ATP8A2: variants seen among roughly 807,000 people sequenced by gnomAD.
ATP8A2 encodes the protein ATPase phospholipid transporting 8A2, also known as phospholipid-transporting ATPase IB.
Under a neutral mutation model 165.6 loss-of-function variants are expected in ATP8A2, and 100 were observed. The ratio of observed to expected loss-of-function variants is 0.60; its 90% CI spans 0.51 to 0.71. The LOEUF is 0.71. Among genes scored for constraint, ATP8A2 ranks in the 30% least tolerant of loss-of-function variants. ATP8A2 has a pLI of 0.00. For synonymous variants in ATP8A2, 543 were observed against 548.8 expected (o/e 0.99, Z 0.15); for missense variants, 1,227 against 1,479.5 (o/e 0.83, Z 2.80).
At chr13:25,498,085 G>A (rs753317832) in intron 2 of ATP8A2, among the ~76,000 whole-genome samples, 9 of 152,136 alleles carry the variant, frequency 5.9e-5, no homozygotes, top group Admixed American at 2.0e-4. Flanking sequence ...CACGTGCTCC[G>A]GATATGAGTT....
rs1225749431 is a variant in ATP8A2, at chr13:25,766,195, A to G, written c.2385-2851A>G. 2.0e-5 allele frequency among the ~76,000 whole-genome samples: 3 copies of G among 152,210 alleles called. No homozygotes were observed. The South Asian group carries it at 6.2e-4, about 32-fold the overall frequency. On this transcript the variant is annotated intron_variant, in intron 25 of 36. Coordinates refer to ENST00000381655, the MANE Select transcript of ATP8A2 (RefSeq NM_016529.6). ...AATGATTTTAATTAAAGAGTGATTA[A>G]TATAATCATAAGAATCCAGACTGTA...
At chr13:25,697,072 T>A (rs1178707379) in intron 24 of ATP8A2, among the ~76,000 whole-genome samples, 1 of 152,212 alleles carries the variant, frequency 6.6e-6, no homozygotes, top group Admixed American at 6.5e-5. Context: ...ATGGTGCTGA[T>A]CGACTTGCTT....
At chr13:25,626,646 G>A (rs1332652051) in intron 24 of ATP8A2, among the ~76,000 whole-genome samples, 11 of 152,182 alleles carry the variant, frequency 7.2e-5, no homozygotes, top group Non-Finnish European at 1.5e-5. Context: ...AGATAAGTAA[G>A]AGGATGATGT....
At chr13:25,579,343 A>G (rs1419358238) in intron 21 of ATP8A2, among the ~76,000 whole-genome samples, 1 of 152,224 alleles carries the variant, frequency 6.6e-6, no homozygotes, top group Non-Finnish European at 1.5e-5. Context: ...GCCACACTCA[A>G]GTGCTAACTG....
intron 1 of ATP8A2, among the ~76,000 whole-genome samples, chr13:25,390,758 T>C (rs759129465): frequency 5.9e-5 from 9 of 151,962 alleles, no homozygotes; most frequent in Admixed American, 1.3e-4. Context: ...GGTGAAACCC[T>C]TTCTCTACTA....
At position 26,023,064 on chromosome 13, in the gene ATP8A2, G is replaced by A. The variant is rs746260884; in HGVS notation, c.*3079G>A. 9.9e-5 allele frequency: 15 copies of A among 152,192 alleles called. No homozygotes were observed. Among genetic ancestry groups the A allele is most frequent in the Non-Finnish European group, 1.8e-4 (12 of 68,060 alleles). 9.4% of individuals were successfully genotyped at this position (152,192 alleles called of 1,614,324 possible). ...ACACGTGCCAGCAAGGGTAGCTGTG[G>A]AAAACACGTATCAGGAGAGCAGAGT... On this transcript the variant is annotated 3_prime_UTR_variant, in exon 37 of 37. Coordinates refer to ENST00000381655, the MANE Select transcript of ATP8A2 (RefSeq NM_016529.6).
chr13:25,867,718 C>T (rs1952550365), intron 33 of ATP8A2, among the ~76,000 whole-genome samples: 1 of 152,128 alleles, frequency 6.6e-6, no homozygotes, highest in Non-Finnish European at 1.5e-5. Flanking sequence ...GAGACACTTG[C>T]TGGGGGCTTC....
intron 2 of ATP8A2, among the ~76,000 whole-genome samples, chr13:25,491,054 A>G (rs1043574125): frequency 3.9e-5 from 6 of 152,084 alleles, no homozygotes; most frequent in African/African-American, 1.4e-4. Context: ...AAGATTTCAC[A>G]TATGTATATA....
intron 33 of ATP8A2, among the ~76,000 whole-genome samples, chr13:25,886,869 A>G (rs1484856719): frequency 6.6e-6 from 1 of 152,154 alleles, no homozygotes; most frequent in Non-Finnish European, 1.5e-5. Flanking sequence ...TTTACATGGT[A>G]TTGCTGGTTG....
At chr13:26,002,849 TGTGTGTGTGTGTG>T (rs1956661142) in intron 35 of ATP8A2, among the ~76,000 whole-genome samples, 1 of 8,398 alleles carries the variant, frequency 1.2e-4, no homozygotes, top group African/African-American at 1.5e-4. Flanking sequence ...AGTATTCCAC[TGTGTGTGTGTGTG>T]TGTGTGTGTG....
intron 24 of ATP8A2, 95 bp downstream of exon 24, chr13:25,589,794 A>G (rs1330083553): frequency 1.3e-6 from 1 of 757,838 alleles, no homozygotes; most frequent in Non-Finnish European, 2.2e-6. Flanking sequence ...TGTTTTGCTA[A>G]AAAACAGTTA....
At chr13:25,861,239 T>A (rs1395125192) in intron 32 of ATP8A2, among the ~76,000 whole-genome samples, 2 of 152,156 alleles carry the variant, frequency 1.3e-5, no homozygotes, top group Non-Finnish European at 2.9e-5. Context: ...CCTTCCGGAC[T>A]TCGTTCTATG....
chr13:25,974,591 C>T (rs930581054), intron 35 of ATP8A2, among the ~76,000 whole-genome samples: 1 of 152,010 alleles, frequency 6.6e-6, no homozygotes, highest in Non-Finnish European at 1.5e-5. Flanking sequence ...CCAGGCTGTC[C>T]CTTCTGCCCC....
intron 24 of ATP8A2, among the ~76,000 whole-genome samples, chr13:25,593,032 A>T (rs968366084): frequency 1.5e-4 from 23 of 152,150 alleles, no homozygotes; most frequent in Middle Eastern, 3.2e-3. Context: ...ACTGAGGAAG[A>T]TTCTACTCCT....
chr13:25,598,781 C>T (rs1189955356), intron 24 of ATP8A2, among the ~76,000 whole-genome samples: 2 of 151,984 alleles, frequency 1.3e-5, no homozygotes, highest in Non-Finnish European at 2.9e-5. Context: ...TTTTGCATGT[C>T]TAGTAATTTT....
In ATP8A2 at chr13:25,774,887, C is replaced by T; in HGVS notation, c.2607C>T (p.Ala869=). The change falls in exon 27 of 37, where the codon GCC becomes GCT. Residue 869 remains alanine, a synonymous_variant. Transcript: ENST00000381655. ...AGAAGCTTCTGTTGGTTCATGGAGC[C>T]TGGAGCTACAACCGGGTGACCAAGT... ...YLEKLLLVHG[A]WSYNRVTKCI... is the part of the protein sequence containing the mutation. 3 of 1,613,808 alleles carry T rather than the reference C, an allele frequency of 1.9e-6. No homozygotes were observed. The highest frequency in any genetic ancestry group is 2.5e-6 in the Non-Finnish European group (3 of 1,179,748).
intron 33 of ATP8A2, among the ~76,000 whole-genome samples, chr13:25,924,563 C>A (rs1277769654): frequency 1.3e-5 from 2 of 152,090 alleles, no homozygotes; most frequent in African/African-American, 2.4e-5. Context: ...TCATTTCAAC[C>A]TAATTGTATC....
chr13:25,613,767 A>C (rs1488845228), intron 24 of ATP8A2, among the ~76,000 whole-genome samples: 1 of 152,076 alleles, frequency 6.6e-6, no homozygotes, highest in African/African-American at 2.4e-5. Flanking sequence ...ATAGGACCCC[A>C]ATCTCTTTTA....
At chr13:25,425,298 C>G (rs1270124155) in intron 1 of ATP8A2, among the ~76,000 whole-genome samples, 1 of 151,960 alleles carries the variant, frequency 6.6e-6, no homozygotes, top group Admixed American at 6.6e-5. Context: ...GATCAATTTG[C>G]TCCTATTTTT....
Sources: gnomAD v4.1 joint callset for allele counts (sites outside exome capture counted in the v4.1 genomes callset) on GRCh38, gnomAD v4.1.1 for gene constraint, MANE v1.5 for transcripts, NCBI Gene and HGNC (gene_info 2026-07-23, HGNC 2026-07-21) for gene names.